Variants in EBF3 observed in about 807,000 individuals in gnomAD.
EBF3 encodes EBF transcription factor 3.
EBF3 carries 18 observed loss-of-function variants against 77.1 expected under a neutral mutation model. The observed-to-expected ratio is 0.23, with a 90% confidence interval of 0.16 to 0.35. The LOEUF (loss-of-function observed/expected upper bound fraction) is 0.35. EBF3 is among the 10% of genes least tolerant of loss of function. EBF3 has a pLI of 1.00. For synonymous variants in EBF3, 350 were observed against 343.5 expected, an observed-to-expected ratio of 1.02 and a Z score of -0.21; for missense variants, 558 against 860.0, an observed-to-expected ratio of 0.65 and a Z score of 4.39.
In EBF3 at chr10:129,836,691, CAA is replaced by C. The variant is rs1237236681; in HGVS notation, c.*1250_*1251del. ...ACTGGTTCAGCTTAACGAAACAGAT[CAA>C]AGAGACAAGTTCTTGGCTAATGCTC... is the stretch of plus-strand genomic sequence containing the variant. On this transcript the variant is annotated 3_prime_UTR_variant, in exon 17 of 17. Coordinates refer to ENST00000440978, the MANE Select transcript of EBF3 (RefSeq NM_001375380.1). The C allele has an allele frequency of 1.3e-5, 2 of 151,894 alleles. No homozygotes were observed. The highest frequency in any genetic ancestry group is 2.4e-5 in the African/African-American group (1 of 41,160). The allele number at this position is 151,894 out of a possible 1,614,324, so 9.4% of individuals were successfully genotyped here.
intron 6 of EBF3, among the ~76,000 whole-genome samples, chr10:129,878,467 G>C (rs190431354): frequency 6.6e-6 from 1 of 151,924 alleles, no homozygotes; most frequent in Admixed American, 6.6e-5. Context: ...TCAGGAGTTC[G>C]AGACAAGCCT....
chr10:129,945,458 T>C (rs1858134410), intron 6 of EBF3, among the ~76,000 whole-genome samples: 1 of 152,154 alleles, frequency 6.6e-6, no homozygotes. Flanking sequence ...GCTCTGTAAA[T>C]CACACGGATT....
intron 15 of EBF3, among the ~76,000 whole-genome samples, chr10:129,839,762 T>G (rs1046155537): frequency 6.6e-6 from 1 of 152,156 alleles, no homozygotes; most frequent in Non-Finnish European, 1.5e-5. Flanking sequence ...GCTCCACAGG[T>G]AGCATGGTGC....
At chr10:129,860,842 G>A (rs984603906) in intron 10 of EBF3, among the ~76,000 whole-genome samples, 1 of 152,210 alleles carries the variant, frequency 6.6e-6, no homozygotes, top group Non-Finnish European at 1.5e-5. Context: ...CACTGGAGGA[G>A]CAGAAAAGTT....
Position 129,924,436 on chromosome 10 carries a change from A to C in EBF3, c.554+32822T>G, listed in dbSNP as rs540113541. ...TCTCAAACAACAACAACAACAAAAAAAAAAAAAAACAAAAAACAAAAAACA... is the reference window on the plus strand; with the variant it reads ...TCTCAAACAACAACAACAACAAAAACAAAAAAAAACAAAAAACAAAAAACA... On this transcript the variant is annotated intron_variant, in intron 6 of 16. Coordinates refer to ENST00000440978, the MANE Select transcript of EBF3 (RefSeq NM_001375380.1). Among the ~76,000 whole-genome samples the C allele has an allele frequency of 2.5e-3, 374 of 149,448 alleles. 3 individuals are homozygous for C. Among genetic ancestry groups the C allele is most frequent in the African/African-American group, 8.5e-3 (342 of 40,180 alleles).
In EBF3 at chr10:129,870,475, T is replaced by G. The variant is rs1189009393; in HGVS notation, c.782-2563A>C. Among the ~76,000 whole-genome samples, 1 of 152,022 alleles carries G rather than the reference T, an allele frequency of 6.6e-6. No homozygotes were observed. Among genetic ancestry groups the G allele is most frequent in the East Asian group, 1.9e-4 (1 of 5,134 alleles). On this transcript the variant is annotated intron_variant, in intron 8 of 16. Coordinates refer to ENST00000440978, the MANE Select transcript of EBF3 (RefSeq NM_001375380.1). This position sits in a 1 kb window ranked among gnomAD's most constrained non-coding sequence, Gnocchi z 4.4. ...CTGAAGACAGATCCTGGTCTGCAGC[T>G]TTCAGCGTGGCCCACCCTCCTGGGG... is the stretch of plus-strand genomic sequence containing the variant.
chr10:129,895,746 A>G (rs976718272), intron 6 of EBF3, among the ~76,000 whole-genome samples: 1 of 151,880 alleles, frequency 6.6e-6, no homozygotes, highest in African/African-American at 2.4e-5. Flanking sequence ...CCATTTTAAA[A>G]TGATACTTTT....
At chr10:129,867,346 C>T (rs1852095821) in intron 9 of EBF3, 79 bp from the exon 10 acceptor site, 11 of 1,582,402 alleles carry the variant, frequency 7.0e-6, no homozygotes, top group Admixed American at 1.9e-5. Context: ...GATATAATTA[C>T]CAAAATGAGC....
chr10:129,842,299 G>A lies in EBF3; in HGVS notation c.1195-6C>T, dbSNP rs778527926. 1 of 1,575,448 alleles carries A rather than the reference G, an allele frequency of 6.3e-7. No homozygotes were observed. Among genetic ancestry groups the A allele is most frequent in the Non-Finnish European group, 8.6e-7 (1 of 1,158,816 alleles). ...GCTCGCTTCAAGATGATCTCCTGCA[G>A]CAGGAGCAAGTGGGAGCCGGCCTGT... is the stretch of plus-strand genomic sequence containing the variant. On this transcript the variant is annotated splice_region_variant and splice_polypyrimidine_tract_variant and intron_variant, in intron 12 of 16. Transcript: ENST00000440978. This position sits in a 1 kb window ranked among gnomAD's most constrained non-coding sequence, Gnocchi z 4.4.
At chr10:129,962,123 A>G (rs1375897622) in intron 4 of EBF3, 48 bp downstream of exon 4, 1 of 1,604,398 alleles carries the variant, frequency 6.2e-7, no homozygotes, top group South Asian at 1.1e-5. Flanking sequence ...GCCCAGGACA[A>G]CCCAGGCCCA....
rs1371811690 is a variant in EBF3, at chr10:129,882,209, G to C, written c.555-4360C>G. ...TCTGATGAAAATCATTTTAATTGTA[G>C]TGTTAGGCTCCTGTGTAATATCCAT... On this transcript the variant is annotated intron_variant, in intron 6 of 16. Transcript: ENST00000440978. Among the ~76,000 whole-genome samples, 4 of 152,340 alleles carry C rather than the reference G, an allele frequency of 2.6e-5. No individual in the cohort carries two copies. In the East Asian group the frequency reaches 7.7e-4, roughly 29 times the overall value.
intron 6 of EBF3, among the ~76,000 whole-genome samples, chr10:129,934,542 AG>A: frequency 6.6e-6 from 1 of 152,254 alleles, no homozygotes; most frequent in Middle Eastern, 3.4e-3. Flanking sequence ...CATGTAAATG[AG>A]TCGCTCTGGG....
chr10:129,929,720 A>T (rs1035792909), intron 6 of EBF3, among the ~76,000 whole-genome samples: 2 of 152,200 alleles, frequency 1.3e-5, no homozygotes, highest in Non-Finnish European at 2.9e-5. Context: ...TGGTGCCATC[A>T]AGGTGGCATC....
chr10:129,843,095 C>T, intron 12 of EBF3, 42 bp downstream of exon 12: 3 of 1,448,494 alleles, frequency 2.1e-6, no homozygotes, highest in Non-Finnish European at 1.9e-6. Flanking sequence ...CGGGTTCTGG[C>T]ATGGGGGGGA....
In EBF3 at chr10:129,964,134, G is replaced by C. The variant is rs1332851436; in HGVS notation, c.-366C>G. On this transcript the variant is annotated 5_prime_UTR_variant, in exon 1 of 17. Transcript: ENST00000440978. The surrounding 1 kb of genome is among the most constrained non-coding windows in gnomAD (Gnocchi z 4.5). The stretch of plus-strand genomic sequence containing the variant: ...TGCGGGATCGCCCGCTTCTGGCGCG[G>C]CCCGCCTGCTCCAAAGACAAATAAA... 1 of 984,902 alleles carries C rather than the reference G, an allele frequency of 1.0e-6. No individual in the cohort carries two copies. Among genetic ancestry groups the C allele is most frequent in the Non-Finnish European group, 1.2e-6 (1 of 829,806 alleles). 61.0% of individuals were successfully genotyped at this position (984,902 alleles called of 1,614,324 possible).
chr10:129,926,463 C>T (rs1344142027), intron 6 of EBF3, among the ~76,000 whole-genome samples: 1 of 152,164 alleles, frequency 6.6e-6, no homozygotes, highest in Non-Finnish European at 1.5e-5. Context: ...CACACAGACC[C>T]TGGGCTGAAA....
chr10:129,942,525 C>T (rs1857837651), intron 6 of EBF3, among the ~76,000 whole-genome samples: 1 of 152,166 alleles, frequency 6.6e-6, no homozygotes, highest in Non-Finnish European at 1.5e-5. Context: ...GACAGCTGTG[C>T]AGCCTTCATG....
At position 129,863,601 on chromosome 10, in the gene EBF3, C is replaced by T. The variant is rs895301855; in HGVS notation, c.1039+3540G>A. 6.6e-6 allele frequency among the ~76,000 whole-genome samples: 1 copy of T among 152,214 alleles called. No individual in the cohort carries two copies. The highest frequency in any genetic ancestry group is 1.5e-5 in the Non-Finnish European group (1 of 68,038). ...GGGAAGGTTAAATGTGAGGGTGTCC[C>T]GGCAGCCTCCGGGGCTGGGGGACAC... On this transcript the variant is annotated intron_variant, in intron 10 of 16. Transcript: ENST00000440978. This position sits in a 1 kb window ranked among gnomAD's most constrained non-coding sequence, Gnocchi z 4.0.
chr10:129,901,548 T>C lies in EBF3; in HGVS notation c.555-23699A>G, dbSNP rs188578687. ...CAGCTTTCAACTCACACCACATTTC[T>C]CTTTGTGTTGAAAGCATCCCGGTGA... On this transcript the variant is annotated intron_variant, in intron 6 of 16. Transcript: ENST00000440978. Among the ~76,000 whole-genome samples, 20 of 152,352 alleles carry C rather than the reference T, an allele frequency of 1.3e-4. 1 individual carries two copies. The East Asian group carries it at 3.7e-3, about 28-fold the overall frequency.
Sources: gnomAD v4.1 joint callset for allele counts (sites outside exome capture counted in the v4.1 genomes callset) on GRCh38, gnomAD v4.1.1 for gene constraint, Gnocchi (gnomAD v3.1) non-coding constraint, MANE v1.5 for transcripts, NCBI Gene and HGNC (gene_info 2026-07-23, HGNC 2026-07-21) for gene names.